SEMA3D: variants seen among roughly 807,000 people sequenced by gnomAD.
The protein encoded by SEMA3D is semaphorin 3D.
SEMA3D carries 84 observed loss-of-function variants against 100.1 expected under a neutral mutation model. The observed-to-expected ratio is 0.84, with a 90% confidence interval of 0.70 to 1.01. The LOEUF (loss-of-function observed/expected upper bound fraction) is 1.01. Among genes scored for constraint, SEMA3D ranks in the 50% least tolerant of loss-of-function variants. The pLI, the probability that SEMA3D is intolerant of heterozygous loss-of-function variation, is 0.00. For synonymous variants in SEMA3D, 312 were observed against 320.7 expected (o/e 0.97, Z 0.29); for missense variants, 875 against 934.1 (o/e 0.94, Z 0.82).
intron 2 of SEMA3D, chr7:85,142,623 T>A: frequency 1.0e-6 from 1 of 984,410 alleles, no homozygotes; most frequent in South Asian, 4.7e-5. Flanking sequence ...ATTTGTTTTA[T>A]TTCAGAGAGT....
intron 2 of SEMA3D, chr7:85,142,808 C>T (rs906881567): frequency 1.3e-5 from 13 of 984,432 alleles, no homozygotes; most frequent in East Asian, 1.1e-4. Context: ...TTTCTCTCTT[C>T]GGCTGGGTGA....
chr7:85,218,581 T>G, the SEMA3D span, among the ~76,000 whole-genome samples: 3 of 152,120 alleles, frequency 2.0e-5, no homozygotes, highest in African/African-American at 7.2e-5. Context: ...AATCAGCTCT[T>G]TTTGTGTCTG....
chr7:85,214,591 G>T, the SEMA3D span, among the ~76,000 whole-genome samples: 1 of 151,950 alleles, frequency 6.6e-6, no homozygotes, highest in African/African-American at 2.4e-5. Flanking sequence ...CTACCTCCCG[G>T]GTTCAAGCAA....
the SEMA3D span, among the ~76,000 whole-genome samples, chr7:85,249,927 G>C: frequency 2.0e-5 from 3 of 152,148 alleles, no homozygotes; most frequent in East Asian, 1.9e-4. Context: ...CGCAGAAGAC[G>C]GGTGATTTCT....
intron 2 of SEMA3D, among the ~76,000 whole-genome samples, chr7:85,138,826 G>C (rs372601754): frequency 1.3e-5 from 2 of 150,766 alleles, no homozygotes; most frequent in Non-Finnish European, 3.0e-5. Flanking sequence ...CCTACCTGCT[G>C]ACAGGCCCCG....
the SEMA3D span, among the ~76,000 whole-genome samples, chr7:85,235,296 C>T: frequency 6.6e-6 from 1 of 152,068 alleles, no homozygotes; most frequent in Non-Finnish European, 1.5e-5. Context: ...TCTTGTCTAA[C>T]AGAATTTGAG....
intron 13 of SEMA3D, 59 bp from the exon 14 acceptor site, chr7:85,020,380 A>G (rs1439574229): frequency 1.7e-6 from 2 of 1,209,410 alleles, no homozygotes; most frequent in Non-Finnish European, 2.4e-6. Context: ...AGTGGTAAGC[A>G]TATCCCTAGA....
At chr7:85,219,185 G>C in the SEMA3D span, among the ~76,000 whole-genome samples, 1 of 152,028 alleles carries the variant, frequency 6.6e-6, no homozygotes, top group Admixed American at 6.6e-5. Context: ...GTTTGTGGTG[G>C]CATCTGCCAG....
chr7:85,023,808 A>G (rs1790319642), intron 12 of SEMA3D, among the ~76,000 whole-genome samples: 2 of 152,118 alleles, frequency 1.3e-5, no homozygotes, highest in South Asian at 4.1e-4. Context: ...ATGGCTTATT[A>G]TGAATTAGAA....
chr7:85,156,361 A>C (rs988709925), intron 1 of SEMA3D, among the ~76,000 whole-genome samples: 2 of 152,068 alleles, frequency 1.3e-5, no homozygotes, highest in Admixed American at 6.6e-5. Flanking sequence ...CGGCCTTCCA[A>C]AGTGCTGGGA....
At chr7:85,034,325 G>C (rs1014443038) in intron 12 of SEMA3D, among the ~76,000 whole-genome samples, 12 of 152,180 alleles carry the variant, frequency 7.9e-5, no homozygotes, top group Middle Eastern at 3.4e-3. Context: ...GAATGACCTA[G>C]GCCGGGCATG....
chr7:85,028,032 G>A (rs1790439280), intron 12 of SEMA3D: 1 of 582,776 alleles, frequency 1.7e-6, no homozygotes, highest in Non-Finnish European at 3.3e-6. Flanking sequence ...CATGGCTTTT[G>A]ATGCCAAATG....
chr7:85,141,974 A>G, intron 2 of SEMA3D: 1 of 982,234 alleles, frequency 1.0e-6, no homozygotes, highest in Non-Finnish European at 1.2e-6. Context: ...AAGAGTTAAA[A>G]AATGCATTAA....
intron 18 of SEMA3D, among the ~76,000 whole-genome samples, chr7:85,005,792 G>A (rs1044577700): frequency 1.3e-5 from 2 of 151,916 alleles, no homozygotes; most frequent in Admixed American, 6.6e-5. Flanking sequence ...CAGCTGTGAT[G>A]TTCAAAAATG....
the SEMA3D span, among the ~76,000 whole-genome samples, chr7:85,201,229 G>C: frequency 4.5e-4 from 68 of 152,068 alleles, no homozygotes; most frequent in African/African-American, 1.6e-3. Flanking sequence ...CTTCTCTTTT[G>C]CCAGCCCCAA....
chr7:85,082,227 C>G (rs1328289026), intron 4 of SEMA3D, among the ~76,000 whole-genome samples: 1 of 152,182 alleles, frequency 6.6e-6, no homozygotes, highest in Non-Finnish European at 1.5e-5. Context: ...TATGGCAGAG[C>G]CACAGTCTGA....
At chr7:85,208,101 A>G in the SEMA3D span, among the ~76,000 whole-genome samples, 1 of 151,766 alleles carries the variant, frequency 6.6e-6, no homozygotes, top group Non-Finnish European at 1.5e-5. Flanking sequence ...AAGAAAGTTC[A>G]GCAGCCATTA....
chr7:85,083,703 C>T (rs1299004640), intron 4 of SEMA3D, among the ~76,000 whole-genome samples: 1 of 150,962 alleles, frequency 6.6e-6, no homozygotes, highest in Admixed American at 6.6e-5. Flanking sequence ...AAAAATTAGC[C>T]GGGCGTGGTG....
At chr7:85,063,672 T>G (rs557749327) in intron 8 of SEMA3D, among the ~76,000 whole-genome samples, 2 of 152,314 alleles carry the variant, frequency 1.3e-5, no homozygotes, top group African/African-American at 4.8e-5. Flanking sequence ...AGTGGCCTCT[T>G]GTCTCTCTGT....
Sources: gnomAD v4.1 joint callset for allele counts (sites outside exome capture counted in the v4.1 genomes callset) on GRCh38, gnomAD v4.1.1 for gene constraint, MANE v1.5 for transcripts, NCBI Gene and HGNC (gene_info 2026-07-23, HGNC 2026-07-21) for gene names.